EFR3B: variants seen among roughly 807,000 people sequenced by gnomAD.
EFR3B encodes protein EFR3 homolog B.
A neutral mutation model predicts 104.7 loss-of-function variants in EFR3B; 64 were observed. The observed-to-expected ratio is 0.61, with a 90% confidence interval of 0.50 to 0.75. EFR3B has a LOEUF of 0.75. Among genes scored for constraint, EFR3B ranks in the 30% least tolerant of loss-of-function variants. The probability of loss-of-function intolerance (pLI) is 0.00; values close to 1 mark genes in which losing one functional copy is unlikely to be tolerated. For missense variants in EFR3B, 750 were observed against 1,078.5 expected, an observed-to-expected ratio of 0.70 and a Z score of 4.27; for synonymous variants, 385 against 417.9, an observed-to-expected ratio of 0.92 and a Z score of 0.96.
chr2:25,133,269 TA>T, intron 11 of EFR3B, 113 bp from the exon 12 acceptor site: 2 of 1,197,900 alleles, frequency 1.7e-6, no homozygotes, highest in Non-Finnish European at 2.4e-6. Context: ...CTGTCCTGGG[TA>T]ACCCAACACG....
chr2:25,093,528 C>G (rs1176610940), intron 3 of EFR3B, among the ~76,000 whole-genome samples: 1 of 151,926 alleles, frequency 6.6e-6, no homozygotes, highest in Non-Finnish European at 1.5e-5. Context: ...AATAGATTAT[C>G]AAACAGACCA....
At chr2:25,063,295 G>A (rs558636635) in intron 1 of EFR3B, among the ~76,000 whole-genome samples, 226 of 152,308 alleles carry the variant, frequency 1.5e-3, no homozygotes, top group Non-Finnish European at 2.2e-3. Flanking sequence ...ACAGCCCACA[G>A]TAATGTCATT....
chr2:25,080,076 C>A, intron 1 of EFR3B: 1 of 898,606 alleles, frequency 1.1e-6, no homozygotes, highest in Non-Finnish European at 1.9e-6. Context: ...TTGTAACCCC[C>A]ACAACAGGTA....
intron 4 of EFR3B, among the ~76,000 whole-genome samples, chr2:25,120,505 A>G (rs6545952): frequency 0.33 from 49,947 of 151,794 alleles, 9,074 homozygotes; most frequent in East Asian, 0.53. Context: ...TTAGCTGGGC[A>G]TGGTGGCACG....
At chr2:25,081,418 C>T (rs17801121) in intron 1 of EFR3B, 323,496 of 1,268,324 alleles carry the variant, frequency 0.26, 44,351 homozygotes, top group Non-Finnish European at 0.28. Context: ...TTCTTCTGTA[C>T]CTACTTTTTT....
intron 1 of EFR3B, among the ~76,000 whole-genome samples, chr2:25,046,566 G>T (rs1486126999): frequency 2.8e-5 from 4 of 143,208 alleles, no homozygotes; most frequent in Non-Finnish European, 6.1e-5. Context: ...GCAGTGGCGC[G>T]ATCTCGGCTC....
At chr2:25,047,507 T>A (rs1294827499) in intron 1 of EFR3B, among the ~76,000 whole-genome samples, 1 of 152,204 alleles carries the variant, frequency 6.6e-6, no homozygotes, top group Non-Finnish European at 1.5e-5. Flanking sequence ...TTTTTAATTA[T>A]TTATTTATTT....
Position 25,155,328 on chromosome 2 carries a change from G to A in EFR3B, c.*988G>A, listed in dbSNP as rs1430632784. The stretch of plus-strand genomic sequence containing the variant: ...GTTTTGGGGCTCAAGGATATCAGAA[G>A]CCAACTTTTTGGATGTTCCGTTTGA... On this transcript the variant is annotated 3_prime_UTR_variant, in exon 23 of 23. Transcript: ENST00000403714. The A allele has an allele frequency of 2.0e-5, 3 of 152,206 alleles. No homozygotes were observed. The highest frequency in any genetic ancestry group is 1.9e-4 in the East Asian group (1 of 5,200). The allele number at this position is 152,206 out of a possible 1,614,324, so 9.4% of individuals were successfully genotyped here.
chr2:25,091,495 G>A, intron 2 of EFR3B, 94 bp downstream of exon 2: 2 of 1,157,880 alleles, frequency 1.7e-6, no homozygotes, highest in African/African-American at 1.6e-5. Context: ...TGCCGGGTGG[G>A]GAAGGCAGGG....
Position 25,131,895 on chromosome 2 carries a change from C to T in EFR3B, c.1131C>T (p.Ala377=). The T allele has an allele frequency of 2.6e-6, 4 of 1,523,046 alleles. No individual in the cohort carries two copies. In the African/African-American group the frequency reaches 4.2e-5, roughly 16 times the overall value. 94.3% of individuals were successfully genotyped at this position (1,523,046 alleles called of 1,614,324 possible). A position where few individuals can be genotyped will look rare whatever the true frequency, so the allele number is the denominator to read the frequency against. The part of the protein sequence containing the change: ...KEHEERMFQE[A]VIKTVGSFAS... ...ACGAGGAGCGCATGTTCCAGGAGGC[C>T]GTCATCAAGACCGTGGGTGCGGCGC... The change falls in exon 10 of 23, where the codon GCC becomes GCT. Residue 377 remains alanine, a synonymous_variant. Coordinates refer to ENST00000403714, the MANE Select transcript of EFR3B (RefSeq NM_014971.2). The surrounding 1 kb of genome is among the most constrained non-coding windows in gnomAD (Gnocchi z 7.6).
At chr2:25,089,733 G>A (rs1669060128) in intron 1 of EFR3B, among the ~76,000 whole-genome samples, 1 of 152,158 alleles carries the variant, frequency 6.6e-6, no homozygotes, top group Non-Finnish European at 1.5e-5. Context: ...CAGGGAGAGG[G>A]TGAGGAGATG....
rs1248505938 is a variant in EFR3B, at chr2:25,083,649, G to A, written c.8-7676G>A. 3.9e-5 allele frequency among the ~76,000 whole-genome samples: 6 copies of A among 152,162 alleles called. No homozygotes were observed. In the South Asian group the frequency reaches 1.0e-3, roughly 26 times the overall value. ...CCAAAGCGCCTCCAGCTCTCAACTC[G>A]GAGAGGAGAGCTGGGAATCTCCTGC... On this transcript the variant is annotated intron_variant, in intron 1 of 22. Transcript: ENST00000403714.
chr2:25,076,953 G>A (rs1052231269), intron 1 of EFR3B, among the ~76,000 whole-genome samples: 7 of 152,184 alleles, frequency 4.6e-5, no homozygotes, highest in Admixed American at 3.3e-4. Context: ...CTCCCGGTAA[G>A]ATCTGTTTGG....
chr2:25,142,688 G>A (rs1300936405), intron 17 of EFR3B, among the ~76,000 whole-genome samples: 1 of 151,666 alleles, frequency 6.6e-6, no homozygotes, highest in Non-Finnish European at 1.5e-5. Context: ...GAACCTGGGA[G>A]GCAGAGGTTG....
At position 25,130,948 on chromosome 2, in the gene EFR3B, A is replaced by C. The variant is rs1193535273; in HGVS notation, c.849+318A>C. 6.6e-6 allele frequency among the ~76,000 whole-genome samples: 1 copy of C among 152,238 alleles called. No individual in the cohort carries two copies. Among genetic ancestry groups the C allele is most frequent in the Non-Finnish European group, 1.5e-5 (1 of 68,044 alleles). On this transcript the variant is annotated intron_variant, in intron 8 of 22. Transcript: ENST00000403714. The surrounding 1 kb of genome is among the most constrained non-coding windows in gnomAD (Gnocchi z 4.6). ...TTGACAAATTGTTTACTAAACACTG[A>C]CTTTCCATCCCATCCTTATCTCAGT...
intron 4 of EFR3B, among the ~76,000 whole-genome samples, chr2:25,119,115 A>T (rs1456072663): frequency 6.6e-6 from 1 of 152,058 alleles, no homozygotes; most frequent in Non-Finnish European, 1.5e-5. Flanking sequence ...AGTCTTACAC[A>T]CACAGGGAGT....
At chr2:25,111,534 C>T (rs917802804) in intron 4 of EFR3B, among the ~76,000 whole-genome samples, 3 of 152,182 alleles carry the variant, frequency 2.0e-5, no homozygotes, top group Non-Finnish European at 4.4e-5. Context: ...CCCCATCCCA[C>T]GGTTGCCTAT....
chr2:25,133,364 TTG>T lies in EFR3B; in HGVS notation c.1260-15_1260-14del, dbSNP rs1345934721. On this transcript the variant is annotated splice_polypyrimidine_tract_variant and intron_variant, in intron 11 of 22. Coordinates refer to ENST00000403714, the MANE Select transcript of EFR3B (RefSeq NM_014971.2). ...GCCCTATTACCATCCTGGTGAGTGT[TTG>T]TGTCTCTGGTCTACAGGGAGAATAG... 43 of 1,552,170 alleles carry T rather than the reference TTG, an allele frequency of 2.8e-5. No individual in the cohort carries two copies. In the Admixed American group the frequency reaches 8.4e-4, roughly 30 times the overall value.
chr2:25,100,450 G>A (rs62143007), intron 3 of EFR3B, among the ~76,000 whole-genome samples: 1 of 152,130 alleles, frequency 6.6e-6, no homozygotes, highest in Non-Finnish European at 1.5e-5. Flanking sequence ...TGATTCCTGG[G>A]CACCCCATTA....
Sources: gnomAD v4.1 joint callset for allele counts (sites outside exome capture counted in the v4.1 genomes callset) on GRCh38, gnomAD v4.1.1 for gene constraint, Gnocchi (gnomAD v3.1) non-coding constraint, MANE v1.5 for transcripts, NCBI Gene and HGNC (gene_info 2026-07-23, HGNC 2026-07-21) for gene names.